The following SMYD3 variants were observed in gnomAD, a reference collection of about 807,000 sequenced individuals.
SMYD3 encodes the protein histone-lysine N-methyltransferase SMYD3.
A neutral mutation model predicts 57.7 loss-of-function variants in SMYD3; 36 were observed. The observed-to-expected ratio is 0.62, with a 90% CI of 0.48 to 0.82. SMYD3 has a LOEUF of 0.82. Among genes scored for constraint, SMYD3 ranks in the 40% least tolerant of loss-of-function variants. SMYD3 has a pLI of 0.00. For missense variants in SMYD3, 515 were observed against 538.8 expected (o/e 0.96, Z 0.44); for synonymous variants, 211 against 195.0 (o/e 1.08, Z -0.68).
intron 5 of SMYD3, among the ~76,000 whole-genome samples, chr1:246,288,102 TTCACTC>T (rs2064609537): frequency 7.4e-6 from 1 of 135,434 alleles, no homozygotes; most frequent in Admixed American, 8.1e-5. Context: ...GAGATGGAGT[TTCACTC>T]TGTCACCCAG....
At chr1:245,784,386 A>C (rs2046952810) in intron 10 of SMYD3, among the ~76,000 whole-genome samples, 1 of 152,218 alleles carries the variant, frequency 6.6e-6, no homozygotes, top group African/African-American at 2.4e-5. Context: ...TCTTATGGTC[A>C]CATATTCTGT....
intron 8 of SMYD3, among the ~76,000 whole-genome samples, chr1:245,900,374 T>C (rs922947658): frequency 6.6e-6 from 1 of 152,196 alleles, no homozygotes; most frequent in South Asian, 2.1e-4. Context: ...GTAGATATCC[T>C]TAGGAGGTCT....
At position 246,362,672 on chromosome 1, in the gene SMYD3, G is replaced by C. The variant is rs1338149959; in HGVS notation, c.165-7578C>G. 1.6e-4 allele frequency among the ~76,000 whole-genome samples: 25 copies of C among 152,338 alleles called. No individual in the cohort carries two copies. The East Asian group carries it at 3.9e-3, about 23-fold the overall frequency. ...GAGACGGGGTTTCGCTGTGTTGGCC[G>C]GGCTGGTCTCCAGCTCCTAACCGCG... On this transcript the variant is annotated intron_variant, in intron 1 of 11. Coordinates refer to ENST00000490107, the MANE Select transcript of SMYD3 (RefSeq NM_001167740.2).
chr1:246,163,886 C>T (rs894256442), intron 5 of SMYD3, among the ~76,000 whole-genome samples: 8 of 152,050 alleles, frequency 5.3e-5, no homozygotes, highest in East Asian at 1.9e-4. Flanking sequence ...TAGAACCTTC[C>T]GCAGAGAAAT....
Position 246,035,242 on chromosome 1 carries a change from A to G in SMYD3, c.532-105305T>C, listed in dbSNP as rs1158161957. ...AGCAATCAAAACCTGGCAATTTGCC[A>G]TGTCAACCCCCATTCCACAGCCACG... On this transcript the variant is annotated intron_variant, in intron 5 of 11. Transcript: ENST00000490107. 3 of 152,276 alleles carry G rather than the reference A, an allele frequency of 2.0e-5. No individual in the cohort carries two copies. In the East Asian group the frequency reaches 5.8e-4, roughly 29 times the overall value. 9.4% of individuals were successfully genotyped at this position (152,276 alleles called of 1,614,324 possible).
chr1:245,865,963 G>C (rs1318798491), intron 8 of SMYD3, among the ~76,000 whole-genome samples: 1 of 143,492 alleles, frequency 7.0e-6, no homozygotes, highest in East Asian at 2.1e-4. Flanking sequence ...ACCACCCTAG[G>C]AAGTTACATG....
intron 10 of SMYD3, among the ~76,000 whole-genome samples, chr1:245,822,565 A>AG (rs2049229055): frequency 6.6e-6 from 1 of 151,602 alleles, no homozygotes; most frequent in Non-Finnish European, 1.5e-5. Context: ...GAAAAAAAAA[A>AG]AAAGCCACCG....
At chr1:245,814,423 C>CAA in intron 10 of SMYD3, 3 of 874,008 alleles carry the variant, frequency 3.4e-6, no homozygotes, top group Non-Finnish European at 4.0e-6. Context: ...CAACTGGGGG[C>CAA]AAAAAAAAAA....
At chr1:246,379,041 T>C (rs2066342009) in intron 1 of SMYD3, among the ~76,000 whole-genome samples, 1 of 139,794 alleles carries the variant, frequency 7.2e-6, no homozygotes, top group Non-Finnish European at 1.5e-5. Flanking sequence ...ATATTTTATA[T>C]ATATATTATT....
chr1:246,041,929 C>T (rs1028275921), intron 5 of SMYD3, among the ~76,000 whole-genome samples: 1 of 152,068 alleles, frequency 6.6e-6, no homozygotes, highest in Non-Finnish European at 1.5e-5. Flanking sequence ...TTATGAGGTA[C>T]ACTCTGAAAC....
chr1:245,825,189 C>T (rs2049414270), intron 10 of SMYD3, among the ~76,000 whole-genome samples: 2 of 152,184 alleles, frequency 1.3e-5, no homozygotes, highest in East Asian at 3.9e-4. Context: ...AATTCCACCA[C>T]CTCTCCCTGT....
At chr1:245,957,168 A>G (rs2057870420) in intron 5 of SMYD3, among the ~76,000 whole-genome samples, 1 of 152,240 alleles carries the variant, frequency 6.6e-6, no homozygotes. Context: ...TAAAGAGACG[A>G]CTGCCAACTA....
At chr1:246,034,950 GAC>G (rs1358866500) in intron 5 of SMYD3, among the ~76,000 whole-genome samples, 1 of 152,076 alleles carries the variant, frequency 6.6e-6, no homozygotes, top group South Asian at 2.1e-4. Flanking sequence ...CAGACACACA[GAC>G]ACCTTCCTCC....
At chr1:245,929,713 C>G (rs1479572505) in intron 6 of SMYD3, among the ~76,000 whole-genome samples, 157 bp downstream of exon 6, 1 of 152,190 alleles carries the variant, frequency 6.6e-6, no homozygotes, top group African/African-American at 2.4e-5. Context: ...TTTCTTTCAA[C>G]TTAACATTTT....
chr1:245,749,806 G>A, intron 11 of SMYD3, 142 bp from the exon 12 acceptor site: 1 of 598,032 alleles, frequency 1.7e-6, no homozygotes, highest in Non-Finnish European at 2.9e-6. Flanking sequence ...TTACAGCACT[G>A]TGGTTCTCCC....
At chr1:246,308,227 C>T (rs12070210) in intron 5 of SMYD3, among the ~76,000 whole-genome samples, 23,251 of 152,058 alleles carry the variant, frequency 0.15, 2,259 homozygotes, top group East Asian at 0.42. Context: ...CCAGACAGGG[C>T]GGAAATGAAG....
intron 5 of SMYD3, among the ~76,000 whole-genome samples, chr1:246,059,707 C>T (rs923033919): frequency 2.6e-5 from 4 of 152,086 alleles, no homozygotes; most frequent in African/African-American, 4.8e-5. Flanking sequence ...AAGTAAGATA[C>T]GATTATTTTG....
chr1:245,881,691 G>A (rs1448626948), intron 8 of SMYD3, among the ~76,000 whole-genome samples: 5 of 152,136 alleles, frequency 3.3e-5, no homozygotes, highest in Non-Finnish European at 5.9e-5. Flanking sequence ...AAAATGATAC[G>A]TAACGTTTGC....
At chr1:246,159,124 C>T (rs1243879482) in intron 5 of SMYD3, among the ~76,000 whole-genome samples, 1 of 152,120 alleles carries the variant, frequency 6.6e-6, no homozygotes, top group Non-Finnish European at 1.5e-5. Flanking sequence ...GAGCGCCAAC[C>T]ATTAAAAAAG....
Sources: gnomAD v4.1 joint callset for allele counts (sites outside exome capture counted in the v4.1 genomes callset) on GRCh38, gnomAD v4.1.1 for gene constraint, MANE v1.5 for transcripts, NCBI Gene and HGNC (gene_info 2026-07-23, HGNC 2026-07-21) for gene names.